TRAPPC9: variants seen among roughly 807,000 people sequenced by gnomAD.
The protein encoded by TRAPPC9 is IKK2 binding protein.
TRAPPC9 carries 83 observed loss-of-function variants against 124.0 expected under a neutral mutation model. That is an observed-to-expected ratio of 0.67 (90% CI 0.56 to 0.80). TRAPPC9 has a LOEUF of 0.80. Among genes scored for constraint, TRAPPC9 ranks in the 30% least tolerant of loss-of-function variants. The pLI, the probability that TRAPPC9 is intolerant of heterozygous loss-of-function variation, is 0.00. For synonymous variants in TRAPPC9, 638 were observed against 617.5 expected (o/e 1.03, Z -0.49); for missense variants, 1,302 against 1,508.3 (o/e 0.86, Z 2.27).
chr8:139,971,078 T>C (rs1034767829), intron 19 of TRAPPC9, among the ~76,000 whole-genome samples: 22 of 151,998 alleles, frequency 1.4e-4, no homozygotes, highest in African/African-American at 5.3e-4. Flanking sequence ...TCTGCACCAA[T>C]GGCACCCCCA....
chr8:140,051,362 G>A lies in TRAPPC9; in HGVS notation c.2557-27283C>T, dbSNP rs145219128. On this transcript the variant is annotated intron_variant, in intron 17 of 22. Transcript: ENST00000438773. The stretch of plus-strand genomic sequence containing the variant: ...TCCTGTAAGCCCTGCACCGTTGGTC[G>A]GTCATTTTTCACATGGGTGTATCTG... Among the ~76,000 whole-genome samples, 847 of 152,266 alleles carry A rather than the reference G, an allele frequency of 5.6e-3. 13 individuals carry two copies. Among genetic ancestry groups the A allele is most frequent in the African/African-American group, 0.019 (803 of 41,534 alleles).
At chr8:139,867,434 A>G (rs2319563) in intron 21 of TRAPPC9, among the ~76,000 whole-genome samples, 61,408 of 152,096 alleles carry the variant, frequency 0.4, 13,190 homozygotes, top group African/African-American at 0.56. Flanking sequence ...GGTCTGATGA[A>G]GAATCGGATA....
At chr8:140,142,947 C>T (rs1215042099) in intron 17 of TRAPPC9, among the ~76,000 whole-genome samples, 2 of 152,178 alleles carry the variant, frequency 1.3e-5, no homozygotes, top group Non-Finnish European at 2.9e-5. Context: ...CACTCTTCTA[C>T]TCAGATACAT....
chr8:140,047,768 G>T (rs950569942), intron 17 of TRAPPC9, among the ~76,000 whole-genome samples: 1 of 152,064 alleles, frequency 6.6e-6, no homozygotes, highest in Non-Finnish European at 1.5e-5. Context: ...CATGGGACAT[G>T]AGCCCGGGCT....
In TRAPPC9 at chr8:140,057,349, A is replaced by G. The variant is rs184236123; in HGVS notation, c.2557-33270T>C. 2.3e-4 allele frequency among the ~76,000 whole-genome samples: 35 copies of G among 152,376 alleles called. No individual in the cohort carries two copies. In the East Asian group the frequency reaches 5.8e-3, roughly 25 times the overall value. ...TTCTGTTTATGGGTATTTATCCAAA[A>G]GAATTGAAATCAGGATCTCAGAGAG... On this transcript the variant is annotated intron_variant, in intron 17 of 22. Transcript: ENST00000438773.
intron 9 of TRAPPC9, among the ~76,000 whole-genome samples, chr8:140,333,176 C>A (rs1218707516): frequency 6.6e-6 from 1 of 150,926 alleles, no homozygotes; most frequent in Non-Finnish European, 1.5e-5. Flanking sequence ...AAGCAATTAA[C>A]CCAATTTTTA....
Position 140,257,437 on chromosome 8 carries a change from G to A in TRAPPC9, c.2279-4508C>T, listed in dbSNP as rs769285315. On this transcript the variant is annotated intron_variant, in intron 15 of 22. Coordinates refer to ENST00000438773, the MANE Select transcript of TRAPPC9 (RefSeq NM_001160372.4). This position sits in a 1 kb window ranked among gnomAD's most constrained non-coding sequence, Gnocchi z 4.6. ...TGGCACTCGGAGGTGCCATCCTGAC[G>A]ACACTACTTTAGACCCACCTTGGTT... Among the ~76,000 whole-genome samples the A allele has an allele frequency of 2.0e-5, 3 of 152,102 alleles. No homozygotes were observed. Among genetic ancestry groups the A allele is most frequent in the Admixed American group, 1.3e-4 (2 of 15,272 alleles).
chr8:140,056,006 A>G (rs1172409243), intron 17 of TRAPPC9, among the ~76,000 whole-genome samples: 1 of 152,238 alleles, frequency 6.6e-6, no homozygotes, highest in African/African-American at 2.4e-5. Context: ...TAAAATTCAT[A>G]TGGAACCATT....
intron 17 of TRAPPC9, among the ~76,000 whole-genome samples, chr8:140,217,216 G>C (rs2131293209): frequency 6.6e-6 from 1 of 152,352 alleles, no homozygotes; most frequent in Non-Finnish European, 1.5e-5. Flanking sequence ...GCTTAAGGGA[G>C]AGCGCCACAT....
chr8:140,370,628 G>A (rs192249100), intron 8 of TRAPPC9, among the ~76,000 whole-genome samples: 302 of 152,132 alleles, frequency 2.0e-3, no homozygotes, highest in South Asian at 4.2e-3. Flanking sequence ...ATTTATTCTG[G>A]GTTCATTGAT....
Position 139,846,944 on chromosome 8 carries a change from T to C in TRAPPC9, c.3055+38935A>G, listed in dbSNP as rs144979776. On this transcript the variant is annotated intron_variant, in intron 21 of 22. Transcript: ENST00000438773. ...ATTATCTAAATCCATTAACAAGCTC[T>C]TGAAGCTATCTGGTCCAGTCAATCA... Among the ~76,000 whole-genome samples the C allele has an allele frequency of 4.1e-4, 62 of 152,376 alleles. 1 individual carries two copies. The East Asian group carries it at 0.011, about 28-fold the overall frequency.
At chr8:139,892,985 C>T (rs753427180) in intron 20 of TRAPPC9, among the ~76,000 whole-genome samples, 4 of 152,202 alleles carry the variant, frequency 2.6e-5, no homozygotes, top group Non-Finnish European at 4.4e-5. Context: ...GTCCCCAGTG[C>T]CCGTTCTGCA....
chr8:139,911,865 T>C (rs961804584), intron 19 of TRAPPC9, among the ~76,000 whole-genome samples: 3 of 151,976 alleles, frequency 2.0e-5, no homozygotes, highest in African/African-American at 4.8e-5. Flanking sequence ...AAAGACAAGA[T>C]AAGACCCAAA....
Position 140,085,091 on chromosome 8 carries a change from A to G in TRAPPC9, c.2557-61012T>C, listed in dbSNP as rs540617757. 4.6e-5 allele frequency among the ~76,000 whole-genome samples: 7 copies of G among 152,148 alleles called. No homozygotes were observed. In the East Asian group the frequency reaches 1.2e-3, roughly 25 times the overall value. ...GGAGATGGGGGTGCAGGGAGAGCAC[A>G]CTCTGCAGAGCTCCATGTTTCACTG... is the stretch of plus-strand genomic sequence containing the variant. On this transcript the variant is annotated intron_variant, in intron 17 of 22. Transcript: ENST00000438773.
chr8:139,896,780 C>T (rs1830693566), intron 20 of TRAPPC9, among the ~76,000 whole-genome samples: 1 of 152,232 alleles, frequency 6.6e-6, no homozygotes. Flanking sequence ...TCAGTGTCCA[C>T]ACCAAGCCTG....
At chr8:140,372,471 A>G (rs2068310521) in intron 7 of TRAPPC9, among the ~76,000 whole-genome samples, 1 of 151,636 alleles carries the variant, frequency 6.6e-6, no homozygotes, top group Non-Finnish European at 1.5e-5. Context: ...CCACCTCTCG[A>G]CCTTCCTTCA....
chr8:140,258,530 G>A (rs112315140), intron 15 of TRAPPC9, among the ~76,000 whole-genome samples: 8 of 152,192 alleles, frequency 5.3e-5, no homozygotes, highest in Admixed American at 2.6e-4. Flanking sequence ...AATTCAAACC[G>A]CCTGCTAGAT....
At position 140,360,049 on chromosome 8, in the gene TRAPPC9, C is replaced by T. The variant is rs775384652; in HGVS notation, c.1495+1G>A. 6.2e-7 allele frequency: 1 copy of T among 1,614,030 alleles called. No individual in the cohort carries two copies. The highest frequency in any genetic ancestry group is 1.1e-5 in the South Asian group (1 of 91,076). ...AAACATTGTGGTTTGAGCTCACTCA[C>T]CCTGATCCGACAAGAAGTCCAGCAT... On this transcript the variant is annotated splice_donor_variant, in intron 9 of 22. Coordinates refer to ENST00000438773, the MANE Select transcript of TRAPPC9 (RefSeq NM_001160372.4). LOFTEE classifies it high-confidence loss of function.
rs1400693945 is a variant in TRAPPC9 at position 140,037,633 on chromosome 8, CACACA to C, written c.2557-13559_2557-13555del. ...ACACACATATACAGACACATACACACACACAAAACACACACCATACACATATACAC... is the reference window on the plus strand; with the variant it reads ...ACACACATATACAGACACATACACACAAACACACACCATACACATATACAC... On this transcript the variant is annotated intron_variant, in intron 17 of 22. Transcript: ENST00000438773. 8.0e-5 allele frequency among the ~76,000 whole-genome samples: 12 copies of C among 150,318 alleles called. 1 individual carries two copies. The highest frequency in any genetic ancestry group is 2.9e-4 in the African/African-American group (12 of 40,948).
Sources: gnomAD v4.1 joint callset for allele counts (sites outside exome capture counted in the v4.1 genomes callset) on GRCh38, gnomAD v4.1.1 for gene constraint, Gnocchi (gnomAD v3.1) non-coding constraint, MANE v1.5 for transcripts, NCBI Gene and HGNC (gene_info 2026-07-23, HGNC 2026-07-21) for gene names.